Variants in GRK5 observed in about 807,000 individuals in gnomAD.
The protein encoded by GRK5 is g protein-coupled receptor kinase GRK5.
GRK5 carries 40 observed loss-of-function variants against 78.4 expected under a neutral mutation model. That is an observed-to-expected ratio of 0.51 (90% CI 0.40 to 0.66). GRK5 has a LOEUF of 0.66. GRK5 is among the 30% of genes least tolerant of loss of function. The pLI is 0.00. For synonymous variants in GRK5, 289 were observed against 296.8 expected (o/e 0.97, Z 0.27); for missense variants, 598 against 759.9 (o/e 0.79, Z 2.50).
chr10:119,318,525 G>A (rs1202933037), intron 1 of GRK5, among the ~76,000 whole-genome samples: 1 of 152,140 alleles, frequency 6.6e-6, no homozygotes, highest in Non-Finnish European at 1.5e-5. Flanking sequence ...CACCAGTATT[G>A]CGGGCTTTGT....
At chr10:119,422,188 G>A (rs1852583239) in intron 4 of GRK5, among the ~76,000 whole-genome samples, 1 of 152,132 alleles carries the variant, frequency 6.6e-6, no homozygotes, top group Non-Finnish European at 1.5e-5. Flanking sequence ...GAGGGTGAAT[G>A]GTGGGAGGAG....
rs181905273 is a variant in GRK5 at position 119,456,014 on chromosome 10, C to G, written c.*947C>G. The G allele has an allele frequency of 1.3e-5, 2 of 152,222 alleles. No individual in the cohort carries two copies. The highest frequency in any genetic ancestry group is 2.9e-5 in the Non-Finnish European group (2 of 68,088). 9.4% of individuals were successfully genotyped at this position (152,222 alleles called of 1,614,324 possible). A position where few individuals can be genotyped will look rare whatever the true frequency, so the allele number is the denominator to read the frequency against. On this transcript the variant is annotated 3_prime_UTR_variant, in exon 16 of 16. Transcript: ENST00000392870. This position sits in a 1 kb window ranked among gnomAD's most constrained non-coding sequence, Gnocchi z 5.5. ...TCTATTTTTAACAGAAGCATAGGAC[C>G]GTAAAGATGTGTCATGAAACCCCAA...
chr10:119,292,187 CCTCTTCCTCCTTCTCCTA>C (rs1849991555), intron 1 of GRK5, among the ~76,000 whole-genome samples: 2 of 137,892 alleles, frequency 1.5e-5, no homozygotes, highest in African/African-American at 5.4e-5. Flanking sequence ...TCCTCCTCCT[CCTCTTCCTCCTTCTCCTA>C]TTCCTCCTCC....
At chr10:119,270,710 TG>T (rs575607689) in intron 1 of GRK5, among the ~76,000 whole-genome samples, 115 of 152,286 alleles carry the variant, frequency 7.6e-4, no homozygotes, top group Admixed American at 1.9e-3. Context: ...ACAAATTAGC[TG>T]GGGGGCAGTC....
At chr10:119,328,157 G>A (rs1049718987) in intron 2 of GRK5, among the ~76,000 whole-genome samples, 5 of 152,190 alleles carry the variant, frequency 3.3e-5, no homozygotes, top group South Asian at 2.1e-4. Context: ...CGTGCTTTCC[G>A]GAGTTCCCAC....
At chr10:119,395,202 G>T (rs1213657370) in intron 3 of GRK5, among the ~76,000 whole-genome samples, 2 of 152,206 alleles carry the variant, frequency 1.3e-5, no homozygotes, top group Admixed American at 6.5e-5. Flanking sequence ...ATCTCCCTGT[G>T]ATCTAAATGA....
intron 1 of GRK5, among the ~76,000 whole-genome samples, chr10:119,301,333 C>T (rs1185168329): frequency 6.6e-6 from 1 of 152,184 alleles, no homozygotes; most frequent in Admixed American, 6.5e-5. Context: ...AGCCTTGGCC[C>T]TTTTGAGGCT....
intron 1 of GRK5, among the ~76,000 whole-genome samples, chr10:119,293,161 T>C (rs1447795355): frequency 6.6e-6 from 1 of 152,250 alleles, no homozygotes; most frequent in Non-Finnish European, 1.5e-5. Flanking sequence ...TTACTCTCTT[T>C]GAATCTTACC....
chr10:119,431,337 G>T lies in GRK5; in HGVS notation c.598-50G>T. Reference sequence around the variant, plus strand: ...GGTCCCCGCCCTGGAGGAGCTCGGGGCAGGCCTCCACGGTGCTCCTGCCAC... The same window carrying T: ...GGTCCCCGCCCTGGAGGAGCTCGGGTCAGGCCTCCACGGTGCTCCTGCCAC... On this transcript the variant is annotated intron_variant, in intron 7 of 15. Coordinates refer to ENST00000392870, the MANE Select transcript of GRK5 (RefSeq NM_005308.3). This position sits in a 1 kb window ranked among gnomAD's most constrained non-coding sequence, Gnocchi z 4.8. 6.3e-7 allele frequency: 1 copy of T among 1,581,884 alleles called. No homozygotes were observed. Among genetic ancestry groups the T allele is most frequent in the Non-Finnish European group, 8.6e-7 (1 of 1,163,974 alleles).
chr10:119,305,199 T>C (rs1850253505), intron 1 of GRK5, among the ~76,000 whole-genome samples: 1 of 152,028 alleles, frequency 6.6e-6, no homozygotes, highest in South Asian at 2.1e-4. Context: ...CAGAGTCCCG[T>C]GGTCCTCCAA....
intron 1 of GRK5, among the ~76,000 whole-genome samples, chr10:119,312,978 A>ATGGTGGTAGTGATGGTGGTAATGGTGG (rs1346762947): frequency 8.1e-5 from 12 of 147,800 alleles, no homozygotes; most frequent in Admixed American, 4.0e-4. Context: ...GGTGATGGTG[A>ATGGTGGTAGTGATGGTGGTAATGGTGG]TGCTGATGGT....
chr10:119,229,398 CTCTG>C (rs766944312), intron 1 of GRK5, among the ~76,000 whole-genome samples: 15 of 152,314 alleles, frequency 9.8e-5, no homozygotes, highest in East Asian at 1.9e-4. Flanking sequence ...TGAAGAGATA[CTCTG>C]TCTGTAATCC....
chr10:119,362,589 A>G (rs1425295149), intron 2 of GRK5, among the ~76,000 whole-genome samples: 1 of 152,244 alleles, frequency 6.6e-6, no homozygotes. Flanking sequence ...AAGACTAAAT[A>G]GTGTCTCACA....
At chr10:119,234,841 C>T (rs1003536081) in intron 1 of GRK5, among the ~76,000 whole-genome samples, 7 of 151,408 alleles carry the variant, frequency 4.6e-5, no homozygotes, top group African/African-American at 7.3e-5. Flanking sequence ...TATAGGTGCA[C>T]GCCTTGTATT....
intron 4 of GRK5, among the ~76,000 whole-genome samples, chr10:119,408,459 C>A (rs1395331396): frequency 6.6e-6 from 1 of 151,604 alleles, no homozygotes; most frequent in Non-Finnish European, 1.5e-5. Context: ...AAGTATCCAT[C>A]AACGGATGAA....
chr10:119,241,718 G>C (rs1362522808), intron 1 of GRK5, among the ~76,000 whole-genome samples: 2 of 152,216 alleles, frequency 1.3e-5, no homozygotes, highest in Non-Finnish European at 2.9e-5. Context: ...GGAATGGCCT[G>C]CAAATCACAC....
At chr10:119,344,710 G>A (rs1475383976) in intron 2 of GRK5, among the ~76,000 whole-genome samples, 3 of 152,152 alleles carry the variant, frequency 2.0e-5, no homozygotes, top group South Asian at 2.1e-4. Flanking sequence ...CGTCTAGCCC[G>A]AGAGATCAGC....
intron 1 of GRK5, among the ~76,000 whole-genome samples, chr10:119,214,537 T>C (rs1305954317): frequency 6.6e-6 from 1 of 152,152 alleles, no homozygotes; most frequent in Non-Finnish European, 1.5e-5. Context: ...TGTTTTGTTT[T>C]TTGAGACAGG....
intron 2 of GRK5, among the ~76,000 whole-genome samples, chr10:119,369,914 C>T (rs192056113): frequency 1.6e-3 from 245 of 152,300 alleles, no homozygotes; most frequent in African/African-American, 5.7e-3. Context: ...CCTGACCCTC[C>T]GTTTACCCAG....
Sources: allele counts gnomAD v4.1 joint callset (sites outside exome capture counted in the v4.1 genomes callset), GRCh38; gene constraint gnomAD v4.1.1; non-coding constraint Gnocchi (gnomAD v3.1); transcripts MANE v1.5; gene names NCBI Gene and HGNC (gene_info 2026-07-23, HGNC 2026-07-21).